CLN6: variants seen among roughly 807,000 people sequenced by gnomAD.
CLN6 encodes the protein ceroid-lipofuscinosis neuronal protein 6.
CLN6 carries 22 observed loss-of-function variants against 33.3 expected under a neutral mutation model. The ratio of observed to expected loss-of-function variants is 0.66; its 90% CI spans 0.47 to 0.94. The LOEUF is 0.94. CLN6 is among the 40% of genes least tolerant of loss of function. The pLI, the probability that CLN6 is intolerant of heterozygous loss-of-function variation, is 0.00. For synonymous variants in CLN6, 201 were observed against 174.6 expected, an observed-to-expected ratio of 1.15 and a Z score of -1.19; for missense variants, 387 against 417.1, an observed-to-expected ratio of 0.93 and a Z score of 0.63.
intron 1 of CLN6, among the ~76,000 whole-genome samples, chr15:68,243,419 G>A (rs530752011): frequency 2.2e-4 from 34 of 152,248 alleles, no homozygotes; most frequent in Non-Finnish European, 2.9e-5. Flanking sequence ...TTACCTTATG[G>A]TCAAACTAAT....
intron 1 of CLN6, among the ~76,000 whole-genome samples, chr15:68,221,457 C>T (rs2093235687): frequency 6.6e-6 from 1 of 152,032 alleles, no homozygotes; most frequent in Non-Finnish European, 1.5e-5. Flanking sequence ...GTCTCCAGCT[C>T]TTGACCTCGA....
At chr15:68,250,470 C>T (rs1381232818) in intron 1 of CLN6, among the ~76,000 whole-genome samples, 1 of 151,872 alleles carries the variant, frequency 6.6e-6, no homozygotes, top group African/African-American at 2.4e-5. Context: ...ACTAAAAATA[C>T]AAAAATTAGC....
intron 1 of CLN6, among the ~76,000 whole-genome samples, chr15:68,239,383 TATAAC>T (rs1892261776): frequency 6.6e-6 from 1 of 152,042 alleles, no homozygotes; most frequent in Non-Finnish European, 1.5e-5. Context: ...TGAAAAAAGA[TATAAC>T]AGGCAATACT....
Position 68,208,250 on chromosome 15 carries a change from A to C in CLN6, c.826T>G (p.Trp276Gly). 1 of 1,614,116 alleles carries C rather than the reference A, an allele frequency of 6.2e-7. No individual in the cohort carries two copies. The highest frequency in any genetic ancestry group is 8.5e-7 in the Non-Finnish European group (1 of 1,180,038). Residue 276 changes from tryptophan to glycine, a missense_variant, in exon 7 of 7, where the codon TGG (tryptophan) becomes GGG (glycine). Transcript: ENST00000249806. The surrounding 1 kb of genome is among the most constrained non-coding windows in gnomAD (Gnocchi z 5.8). ...FALTLLLVAL[W>G]VAWLWNDPVL... ...GGGTCATTCCACAGCCAGGCGACCCAGAGCGCCACAAGCAAGAGGGTCAGT... is the reference window on the plus strand; with the variant it reads ...GGGTCATTCCACAGCCAGGCGACCCCGAGCGCCACAAGCAAGAGGGTCAGT...
chr15:68,249,835 G>A (rs967028662), intron 1 of CLN6, among the ~76,000 whole-genome samples: 5 of 152,138 alleles, frequency 3.3e-5, no homozygotes, highest in Non-Finnish European at 5.9e-5. Flanking sequence ...GTGCAATGGC[G>A]TGATCTCGGC....
chr15:68,219,798 A>G lies in CLN6; in HGVS notation c.84-1148T>C, dbSNP rs2093230450. 6.6e-6 allele frequency among the ~76,000 whole-genome samples: 1 copy of G among 152,122 alleles called. No individual in the cohort carries two copies. The highest frequency in any genetic ancestry group is 2.1e-4 in the South Asian group (1 of 4,824). On this transcript the variant is annotated intron_variant, in intron 1 of 6. Coordinates refer to ENST00000249806, the MANE Select transcript of CLN6 (RefSeq NM_017882.3). This position sits in a 1 kb window ranked among gnomAD's most constrained non-coding sequence, Gnocchi z 4.2. Reference sequence around the variant, plus strand: ...TGCAATTACTTGCACACCTCCAGGGACAAGCAGCCAGCCACATCCTAAGAG... The same window carrying G: ...TGCAATTACTTGCACACCTCCAGGGGCAAGCAGCCAGCCACATCCTAAGAG...
chr15:68,236,166 A>T lies in CLN6; in HGVS notation c.180-17516T>A, dbSNP rs961885278. Among the ~76,000 whole-genome samples the T allele has an allele frequency of 6.6e-6, 1 of 152,250 alleles. No homozygotes were observed. The highest frequency in any genetic ancestry group is 1.5e-5 in the Non-Finnish European group (1 of 68,042). The stretch of plus-strand genomic sequence containing the variant: ...TTCATATATTCCTGGTGGGATTATA[A>T]AATGGCACAGCCCCTTTGGAAAATA... On this transcript the variant is annotated intron_variant, in intron 1 of 6. Transcript: ENST00000538696. This position sits in a 1 kb window ranked among gnomAD's most constrained non-coding sequence, Gnocchi z 4.5.
chr15:68,250,624 CAA>C (rs57895966), intron 1 of CLN6, among the ~76,000 whole-genome samples: 88 of 61,628 alleles, frequency 1.4e-3, no homozygotes, highest in African/African-American at 3.9e-3. Context: ...GACTCTGTCT[CAA>C]AAAAAAAAAA....
At chr15:68,214,497 C>T (rs1397078178) in intron 2 of CLN6, 109 bp from the exon 3 acceptor site, 5 of 733,780 alleles carry the variant, frequency 6.8e-6, no homozygotes, top group African/African-American at 1.7e-5. Context: ...TTTCACCCCC[C>T]ACCCCATCAT....
chr15:68,226,530 G>A (rs1278632007), intron 1 of CLN6, among the ~76,000 whole-genome samples: 1 of 151,704 alleles, frequency 6.6e-6, no homozygotes, highest in Non-Finnish European at 1.5e-5. Flanking sequence ...ATAATGGCGC[G>A]ATCTTGGCCC....
chr15:68,217,318 A>G (rs1022442597), intron 2 of CLN6, among the ~76,000 whole-genome samples: 1 of 152,102 alleles, frequency 6.6e-6, no homozygotes, highest in African/African-American at 2.4e-5. Flanking sequence ...TGCAGCCTCA[A>G]CTTCCCAGGC....
rs1892278429 is a variant in CLN6 at position 68,241,279 on chromosome 15, A to G, written c.179+15411T>C. On this transcript the variant is annotated intron_variant, in intron 1 of 6. Transcript: ENST00000538696. The surrounding 1 kb of genome is among the most constrained non-coding windows in gnomAD (Gnocchi z 4.2). ...AACCAAAAACAAATACACAGTGCTG[A>G]GATGATCAGCACTATGCCAGCAATA... Among the ~76,000 whole-genome samples, 1 of 152,200 alleles carries G rather than the reference A, an allele frequency of 6.6e-6. No individual in the cohort carries two copies. Among genetic ancestry groups the G allele is most frequent in the African/African-American group, 2.4e-5 (1 of 41,468 alleles).
intron 2 of CLN6, chr15:68,214,837 A>T (rs757235556): frequency 1.2e-5 from 3 of 254,562 alleles, no homozygotes; most frequent in Non-Finnish European, 2.3e-5. Flanking sequence ...GCCTACTTGG[A>T]CCGTTCGGGT....
chr15:68,243,513 G>A (rs529918444), intron 1 of CLN6, among the ~76,000 whole-genome samples: 14 of 152,222 alleles, frequency 9.2e-5, no homozygotes, highest in Admixed American at 3.9e-4. Context: ...CTAGTGCTTT[G>A]GGAGGCCAAG....
In CLN6 at chr15:68,229,663, G is replaced by T; in HGVS notation, c.-79C>A. 1.6e-6 allele frequency: 2 copies of T among 1,218,924 alleles called. No individual in the cohort carries two copies. Among genetic ancestry groups the T allele is most frequent in the Non-Finnish European group, 2.1e-6 (2 of 931,554 alleles). The allele number at this position is 1,218,924 out of a possible 1,614,324, so 75.5% of individuals were successfully genotyped here. A position where few individuals can be genotyped will look rare whatever the true frequency, so the allele number is the denominator to read the frequency against. On this transcript the variant is annotated 5_prime_UTR_variant, in exon 1 of 7. Coordinates refer to ENST00000249806, the MANE Select transcript of CLN6 (RefSeq NM_017882.3). The stretch of plus-strand genomic sequence containing the variant: ...CTCGGCTGCCCCGGCGGAGGCCGCC[G>T]CAAATTCCCAGCGCGGGGCGGTTCG...
intron 1 of CLN6, among the ~76,000 whole-genome samples, chr15:68,238,942 G>A (rs1462420145): frequency 1.3e-5 from 2 of 152,142 alleles, no homozygotes; most frequent in East Asian, 3.8e-4. Context: ...ACAAATACTG[G>A]ACAATAATAT....
chr15:68,225,865 C>T (rs1474673859), intron 1 of CLN6, among the ~76,000 whole-genome samples: 2 of 151,202 alleles, frequency 1.3e-5, no homozygotes, highest in African/African-American at 4.9e-5. Context: ...CCCAGCTACT[C>T]GGGAGGCTGA....
At chr15:68,217,509 C>T (rs555318069) in intron 2 of CLN6, among the ~76,000 whole-genome samples, 7 of 152,340 alleles carry the variant, frequency 4.6e-5, no homozygotes, top group African/African-American at 1.4e-4. Flanking sequence ...GGATTATAGG[C>T]ATGAGCCACC....
chr15:68,222,632 C>T (rs2093241060), intron 1 of CLN6, among the ~76,000 whole-genome samples: 1 of 152,186 alleles, frequency 6.6e-6, no homozygotes. Context: ...TCCGAAGAGA[C>T]AGCGACCATT....
Sources: allele counts gnomAD v4.1 joint callset (sites outside exome capture counted in the v4.1 genomes callset), GRCh38; gene constraint gnomAD v4.1.1; non-coding constraint Gnocchi (gnomAD v3.1); transcripts MANE v1.5; gene names NCBI Gene and HGNC (gene_info 2026-07-23, HGNC 2026-07-21).